The following RNF8 variants were observed in gnomAD, a reference collection of about 807,000 sequenced individuals.
The protein encoded by RNF8 is ring finger protein 8.
Under a neutral mutation model 59.3 loss-of-function variants are expected in RNF8, and 8 were observed. The ratio of observed to expected loss-of-function variants is 0.13; its 90% CI spans 0.08 to 0.24. RNF8 has a LOEUF of 0.24. Ranked by LOEUF, RNF8 falls within the 10% of genes least tolerant of loss-of-function variation. The probability of loss-of-function intolerance (pLI) is 1.00; values close to 1 mark genes in which losing one functional copy is unlikely to be tolerated. For synonymous variants in RNF8, 162 were observed against 200.0 expected (o/e 0.81, Z 1.60); for missense variants, 406 against 572.6 (o/e 0.71, Z 2.97).
At chr6:37,380,775 T>C (rs1262339461) in intron 6 of RNF8, among the ~76,000 whole-genome samples, 1 of 151,744 alleles carries the variant, frequency 6.6e-6, no homozygotes, top group Non-Finnish European at 1.5e-5. Flanking sequence ...CTCCATCTCC[T>C]GGGTTCAAGC....
At position 37,368,386 on chromosome 6, in the gene RNF8, T is replaced by C. The variant is rs767342313; in HGVS notation, c.241-98T>C. 37 of 1,610,852 alleles carry C rather than the reference T, an allele frequency of 2.3e-5. 1 individual carries two copies. The South Asian group carries it at 4.1e-4, about 18-fold the overall frequency. Reference sequence around the variant, plus strand: ...TTCTATTTGTTATCAAGAGTTTTCCTTCTGAAAAGGCAGAAGATTTTACAG... The same window carrying C: ...TTCTATTTGTTATCAAGAGTTTTCCCTCTGAAAAGGCAGAAGATTTTACAG... On this transcript the variant is annotated intron_variant, in intron 2 of 7. Coordinates refer to ENST00000373479, the MANE Select transcript of RNF8 (RefSeq NM_003958.4).
In RNF8 at chr6:37,388,200, A is replaced by G. The variant is rs142388477; in HGVS notation, c.1442-2542A>G. Among the ~76,000 whole-genome samples, 52 of 152,304 alleles carry G rather than the reference A, an allele frequency of 3.4e-4. No individual in the cohort carries two copies. In the East Asian group the frequency reaches 9.5e-3, roughly 28 times the overall value. On this transcript the variant is annotated intron_variant, in intron 7 of 7. Coordinates refer to ENST00000373479, the MANE Select transcript of RNF8 (RefSeq NM_003958.4). ...GCCAGAGTGGATAGATTCAAGAGGT[A>G]GTTAAGGAGGTAGAATCCACAGGTC... is the stretch of plus-strand genomic sequence containing the variant.
intron 5 of RNF8, among the ~76,000 whole-genome samples, chr6:37,376,645 C>T (rs1447463391): frequency 2.0e-5 from 3 of 152,112 alleles, no homozygotes; most frequent in Non-Finnish European, 4.4e-5. Context: ...AATACCATCA[C>T]GTTTGAAAAT....
intron 5 of RNF8, among the ~76,000 whole-genome samples, chr6:37,375,680 T>C (rs1769983579): frequency 6.6e-6 from 1 of 152,206 alleles, no homozygotes; most frequent in South Asian, 2.1e-4. Flanking sequence ...CTCAGGGAAT[T>C]TGACTATGGT....
intron 6 of RNF8, 84 bp from the exon 7 acceptor site, chr6:37,381,066 C>T: frequency 8.5e-7 from 1 of 1,172,454 alleles, no homozygotes; most frequent in Non-Finnish European, 1.3e-6. Flanking sequence ...TTGAAATTCA[C>T]TCCTGTCCTA....
rs1218607016 is a variant in RNF8, at chr6:37,374,769, A to G, written c.1128+60A>G. ...TAGTGCATGCAACTCAGCATTTTCAACAGTGCAAGGGTTGCTAGGGAAAAT... is the reference window on the plus strand; with the variant it reads ...TAGTGCATGCAACTCAGCATTTTCAGCAGTGCAAGGGTTGCTAGGGAAAAT... On this transcript the variant is annotated intron_variant, in intron 5 of 7. Transcript: ENST00000373479. 3 of 1,212,022 alleles carry G rather than the reference A, an allele frequency of 2.5e-6. No individual in the cohort carries two copies. The African/African-American group carries it at 4.5e-5, about 18-fold the overall frequency. 75.1% of individuals were successfully genotyped at this position (1,212,022 alleles called of 1,614,324 possible).
chr6:37,389,319 G>A (rs1187581546), intron 7 of RNF8, among the ~76,000 whole-genome samples: 1 of 151,576 alleles, frequency 6.6e-6, no homozygotes, highest in East Asian at 1.9e-4. Context: ...AGTATAAGTT[G>A]TGGGGGATGG....
chr6:37,357,930 C>G (rs1004098675), intron 1 of RNF8, among the ~76,000 whole-genome samples: 6 of 152,198 alleles, frequency 3.9e-5, no homozygotes, highest in Non-Finnish European at 7.3e-5. Context: ...AATTTATATT[C>G]TATTACGGGG....
chr6:37,366,402 T>A (rs2113819857), intron 2 of RNF8, among the ~76,000 whole-genome samples: 1 of 152,352 alleles, frequency 6.6e-6, no homozygotes, highest in South Asian at 2.1e-4. Flanking sequence ...TCTGTTGTTA[T>A]TTCTCATATG....
rs553505501 is a variant in RNF8, at chr6:37,381,235, G to T, written c.1322G>T (p.Arg441Leu). The T allele has an allele frequency of 6.2e-7, 1 of 1,614,072 alleles. No homozygotes were observed. Among genetic ancestry groups the T allele is most frequent in the South Asian group, 1.1e-5 (1 of 91,078 alleles). ...CGGAAGATAGAATGCCCCATTTGTC[G>T]GAAGGACATTAAGTCCAAAACGTAC... The part of the protein sequence containing the change: ...MKRKIECPIC[R>L]KDIKSKTYSL... The change falls in exon 7 of 8, where the codon CGG (arginine) becomes CTG (leucine). Residue 441 changes from arginine to leucine, a missense_variant. By Grantham distance (102) the Arg-to-Leu change is moderately radical. Transcript: ENST00000373479.
intron 7 of RNF8, among the ~76,000 whole-genome samples, chr6:37,390,213 T>C (rs776010594): frequency 6.6e-6 from 1 of 152,210 alleles, no homozygotes; most frequent in Non-Finnish European, 1.5e-5. Context: ...ATGCTGAGAA[T>C]GTAAAAAGTG....
intron 7 of RNF8, among the ~76,000 whole-genome samples, chr6:37,387,374 T>A (rs933676362): frequency 6.6e-6 from 1 of 152,158 alleles, no homozygotes; most frequent in South Asian, 2.1e-4. Context: ...TTTCCTTTTT[T>A]TCTGTCACCC....
rs1038773866 is a variant in RNF8, at chr6:37,362,219, A to G, written c.240+1645A>G. 2.6e-5 allele frequency among the ~76,000 whole-genome samples: 4 copies of G among 152,190 alleles called. No homozygotes were observed. In the South Asian group the frequency reaches 8.3e-4, roughly 32 times the overall value. The stretch of plus-strand genomic sequence containing the variant: ...GCTGCTGCTTTTCTTAATTATGTGC[A>G]GTGTAGATGTGATCCACTTATGGGA... On this transcript the variant is annotated intron_variant, in intron 2 of 7. Coordinates refer to ENST00000373479, the MANE Select transcript of RNF8 (RefSeq NM_003958.4).
Position 37,390,800 on chromosome 6 carries a change from C to T in RNF8, c.*42C>T, listed in dbSNP as rs138340769. ...GCATTTGAAAGACTGCCAGGTAGTG[C>T]GAGCCTGAGATGGTCTGGAGGATTC... On this transcript the variant is annotated 3_prime_UTR_variant, in exon 8 of 8. Coordinates refer to ENST00000373479, the MANE Select transcript of RNF8 (RefSeq NM_003958.4). The T allele has an allele frequency of 1.2e-5, 19 of 1,613,960 alleles. No homozygotes were observed. The highest frequency in any genetic ancestry group is 2.2e-5 in the East Asian group (1 of 44,892).
At chr6:37,389,554 C>T (rs1770644615) in intron 7 of RNF8, among the ~76,000 whole-genome samples, 1 of 151,876 alleles carries the variant, frequency 6.6e-6, no homozygotes, top group Non-Finnish European at 1.5e-5. Flanking sequence ...GGAGCCTGTA[C>T]AGAAGGGCAT....
intron 2 of RNF8, among the ~76,000 whole-genome samples, chr6:37,363,314 T>G (rs971536620): frequency 6.6e-6 from 1 of 152,262 alleles, no homozygotes; most frequent in East Asian, 1.9e-4. Context: ...GGTAGTACAA[T>G]AAAAGCGTTC....
At chr6:37,361,684 A>G (rs1311467147) in intron 2 of RNF8, 3 of 293,298 alleles carry the variant, frequency 1.0e-5, no homozygotes, top group African/African-American at 6.8e-5. Flanking sequence ...AGGGTATCCC[A>G]CAGGTCTGCC....
intron 2 of RNF8, among the ~76,000 whole-genome samples, chr6:37,364,043 G>A (rs1769444730): frequency 6.6e-6 from 1 of 152,046 alleles, no homozygotes; most frequent in African/African-American, 2.4e-5. Context: ...GCCAGGCGTG[G>A]TGGCGGGTGC....
In RNF8 at chr6:37,392,227, A is replaced by G; in HGVS notation, c.*1469A>G. 1 of 382,624 alleles carries G rather than the reference A, an allele frequency of 2.6e-6. No homozygotes were observed. Among genetic ancestry groups the G allele is most frequent in the Non-Finnish European group, 4.6e-6 (1 of 216,476 alleles). The allele number at this position is 382,624 out of a possible 1,614,324, so 23.7% of individuals were successfully genotyped here. On this transcript the variant is annotated 3_prime_UTR_variant, in exon 8 of 8. Transcript: ENST00000373479. ...AGAACAAAAGGAAAAGATTGTTACC[A>G]CCTTGATTTAATAACTTCTTGTTTC...
Sources: gnomAD v4.1 joint callset for allele counts (sites outside exome capture counted in the v4.1 genomes callset) on GRCh38, gnomAD v4.1.1 for gene constraint, MANE v1.5 for transcripts, NCBI Gene and HGNC (gene_info 2026-07-23, HGNC 2026-07-21) for gene names.